Variants in LARP4B observed in about 807,000 individuals in gnomAD.
The protein encoded by LARP4B is la-related protein 4B.
In LARP4B, 12 loss-of-function variants were observed where a neutral mutation model predicts 89.8. The observed-to-expected ratio is 0.13, with a 90% CI of 0.09 to 0.22. LARP4B has a LOEUF of 0.22. LARP4B is among the 10% of genes least tolerant of loss of function. LARP4B has a pLI of 1.00. For missense variants in LARP4B, 757 were observed against 947.7 expected, an observed-to-expected ratio of 0.80 and a Z score of 2.64; for synonymous variants, 367 against 363.3, an observed-to-expected ratio of 1.01 and a Z score of -0.12.
At chr10:845,875 C>A (rs1244435149) in intron 5 of LARP4B, among the ~76,000 whole-genome samples, 3 of 152,182 alleles carry the variant, frequency 2.0e-5, no homozygotes, top group African/African-American at 7.2e-5. Flanking sequence ...GCCATGCTAA[C>A]ACAAGAGACA....
At chr10:937,082 G>T in the LARP4B span, among the ~76,000 whole-genome samples, 1 of 152,022 alleles carries the variant, frequency 6.6e-6, no homozygotes, top group Non-Finnish European at 1.5e-5. Flanking sequence ...TTGCTCTGTC[G>T]CCCAGGCTGG....
Position 846,252 on chromosome 10 carries a change from C to T in LARP4B, c.431-1197G>A, listed in dbSNP as rs180828248. 3.9e-5 allele frequency among the ~76,000 whole-genome samples: 6 copies of T among 152,330 alleles called. No homozygotes were observed. The East Asian group carries it at 7.7e-4, about 20-fold the overall frequency. ...GGCTCTGTGAATTCAGCCTGAATAA[C>T]GCAAAGCCTGTGCTCTCGTGAAGCC... On this transcript the variant is annotated intron_variant, in intron 5 of 17. Transcript: ENST00000316157.
At chr10:955,317 G>A in the LARP4B span, among the ~76,000 whole-genome samples, 1 of 152,214 alleles carries the variant, frequency 6.6e-6, no homozygotes, top group African/African-American at 2.4e-5. This position sits in a 1 kb window ranked among gnomAD's most constrained non-coding sequence, Gnocchi z 5.2. Flanking sequence ...TGCAGCCCGT[G>A]GGGGGCCCAC....
chr10:836,249 C>G (rs567301286), intron 8 of LARP4B, among the ~76,000 whole-genome samples, 154 bp downstream of exon 8: 4 of 152,144 alleles, frequency 2.6e-5, no homozygotes, highest in Non-Finnish European at 4.4e-5. Context: ...TACTCTGTAA[C>G]TCACTGTGTG....
chr10:875,900 C>A (rs1308186496), intron 3 of LARP4B, among the ~76,000 whole-genome samples: 1 of 152,194 alleles, frequency 6.6e-6, no homozygotes, highest in Non-Finnish European at 1.5e-5. Context: ...AAAAAATACT[C>A]ATTCCATCCC....
chr10:934,393 G>A (rs545268565), upstream of LARP4B, among the ~76,000 whole-genome samples: 2 of 152,188 alleles, frequency 1.3e-5, no homozygotes, highest in South Asian at 4.2e-4. Flanking sequence ...AGCTACTCAG[G>A]AGGCTGAGGT....
chr10:837,757 GAC>G (rs1445293292), intron 7 of LARP4B, among the ~76,000 whole-genome samples: 4 of 152,110 alleles, frequency 2.6e-5, no homozygotes, highest in African/African-American at 9.7e-5. Context: ...CAAAATAGAT[GAC>G]AGACTCGAAT....
chr10:965,427 T>G, the LARP4B span, among the ~76,000 whole-genome samples: 1 of 151,818 alleles, frequency 6.6e-6, no homozygotes. Flanking sequence ...AAAGACACGG[T>G]GCCCGCTCCC....
At chr10:865,506 T>C (rs893406497) in intron 3 of LARP4B, among the ~76,000 whole-genome samples, 1 of 152,182 alleles carries the variant, frequency 6.6e-6, no homozygotes, top group Non-Finnish European at 1.5e-5. Flanking sequence ...CCAGGCACAC[T>C]GACCTCCTTG....
chr10:980,116 C>A, the LARP4B span, among the ~76,000 whole-genome samples: 1 of 152,216 alleles, frequency 6.6e-6, no homozygotes, highest in African/African-American at 2.4e-5. Context: ...TCCAAAATAA[C>A]CTCCTTTGAC....
chr10:882,403 T>C (rs916380125), intron 3 of LARP4B, among the ~76,000 whole-genome samples: 1 of 151,742 alleles, frequency 6.6e-6, no homozygotes, highest in African/African-American at 2.4e-5. Context: ...TTTTTTTTTT[T>C]CTGAGACAGA....
the LARP4B span, among the ~76,000 whole-genome samples, chr10:954,608 G>A: frequency 2.6e-5 from 4 of 152,130 alleles, no homozygotes; most frequent in Admixed American, 2.0e-4. The surrounding 1 kb of genome is among the most constrained non-coding windows in gnomAD (Gnocchi z 5.0). Flanking sequence ...TCACGGGACC[G>A]AGAGGCCACA....
At chr10:856,258 T>C (rs547583894) in intron 5 of LARP4B, among the ~76,000 whole-genome samples, 1 of 152,232 alleles carries the variant, frequency 6.6e-6, no homozygotes, top group South Asian at 2.1e-4. Context: ...AACATATAAA[T>C]AACTATCAAA....
At chr10:896,047 G>A (rs1836180293) in intron 1 of LARP4B, among the ~76,000 whole-genome samples, 1 of 151,260 alleles carries the variant, frequency 6.6e-6, no homozygotes, top group Admixed American at 6.6e-5. Context: ...AGGAGAAGCT[G>A]CCCATGCAGG....
At chr10:878,154 A>T (rs1415707213) in intron 3 of LARP4B, among the ~76,000 whole-genome samples, 1 of 152,238 alleles carries the variant, frequency 6.6e-6, no homozygotes, top group Non-Finnish European at 1.5e-5. Flanking sequence ...GAGGAGAGCC[A>T]GTGGGCAGCA....
the LARP4B span, among the ~76,000 whole-genome samples, chr10:956,922 A>T: frequency 6.6e-6 from 1 of 152,204 alleles, no homozygotes; most frequent in Non-Finnish European, 1.5e-5. This position sits in a 1 kb window ranked among gnomAD's most constrained non-coding sequence, Gnocchi z 4.3. Context: ...ATGTAGGCAG[A>T]CACTGAAGAA....
chr10:936,194 A>AC (rs771140425), upstream of LARP4B, among the ~76,000 whole-genome samples: 28 of 152,186 alleles, frequency 1.8e-4, no homozygotes, highest in Middle Eastern at 3.4e-3. Flanking sequence ...AGGGACTGCT[A>AC]ATGTTGCAGA....
At chr10:924,031 C>T (rs1011591862) in intron 1 of LARP4B, among the ~76,000 whole-genome samples, 8 of 152,014 alleles carry the variant, frequency 5.3e-5, no homozygotes, top group African/African-American at 1.5e-4. Context: ...CCCAGGAATT[C>T]GAGACCAGAC....
chr10:909,172 T>A (rs973557087), intron 1 of LARP4B, among the ~76,000 whole-genome samples: 42 of 151,756 alleles, frequency 2.8e-4, no homozygotes, highest in African/African-American at 1.0e-3. Context: ...TGGGCACTTG[T>A]AGTCCCAGCT....
Sources: allele counts gnomAD v4.1 joint callset (sites outside exome capture counted in the v4.1 genomes callset), GRCh38; gene constraint gnomAD v4.1.1; non-coding constraint Gnocchi (gnomAD v3.1); transcripts MANE v1.5; gene names NCBI Gene and HGNC (gene_info 2026-07-23, HGNC 2026-07-21).